DOP1A: variants seen among roughly 807,000 people sequenced by gnomAD.
DOP1A encodes DOP1 leucine zipper like protein A, also known as protein DOP1A.
DOP1A carries 90 observed loss-of-function variants against 267.6 expected under a neutral mutation model. The observed-to-expected ratio is 0.34, with a 90% CI of 0.28 to 0.40. DOP1A has a LOEUF of 0.40. Among genes scored for constraint, DOP1A ranks in the 10% least tolerant of loss-of-function variants. The pLI is 1.00. For synonymous variants in DOP1A, 932 were observed against 999.1 expected (o/e 0.93, Z 1.27); for missense variants, 2,437 against 2,900.4 (o/e 0.84, Z 3.67).
intron 1 of DOP1A, among the ~76,000 whole-genome samples, chr6:83,081,360 A>T (rs551785353): frequency 6.6e-6 from 1 of 151,818 alleles, no homozygotes; most frequent in Non-Finnish European, 1.5e-5. Context: ...ACCCACCTCA[A>T]CCTCCCAAAG....
At chr6:83,086,972 T>C (rs188262924) in intron 1 of DOP1A, among the ~76,000 whole-genome samples, 471 of 152,208 alleles carry the variant, frequency 3.1e-3, no homozygotes, top group Admixed American at 7.1e-3. Context: ...CTTTAGGCTG[T>C]AGACAGGAAA....
At chr6:83,117,000 C>CG (rs1268435362) in intron 7 of DOP1A, among the ~76,000 whole-genome samples, 6 of 152,042 alleles carry the variant, frequency 3.9e-5, no homozygotes, top group African/African-American at 1.4e-4. Flanking sequence ...AGTAATTCTT[C>CG]GGGTAAAAAT....
intron 26 of DOP1A, 97 bp from the exon 27 acceptor site, chr6:83,148,662 G>T (rs1454923708): frequency 2.7e-6 from 2 of 734,044 alleles, no homozygotes; most frequent in South Asian, 2.1e-5. Context: ...TAGGAATTTT[G>T]TTCTATCATT....
downstream of DOP1A, chr6:83,169,418 G>A (rs1786593436): frequency 7.1e-7 from 1 of 1,402,686 alleles, no homozygotes; most frequent in Non-Finnish European, 9.7e-7. Context: ...GGAAGAGAGG[G>A]GTGATTCTTG....
At chr6:83,090,006 T>A (rs1028114496) in intron 1 of DOP1A, among the ~76,000 whole-genome samples, 3 of 152,178 alleles carry the variant, frequency 2.0e-5, no homozygotes, top group Non-Finnish European at 2.9e-5. Context: ...TCAAGATAGG[T>A]TAGTGAGTCC....
At chr6:83,165,271 A>G (rs938461589) in intron 38 of DOP1A, 3 of 152,604 alleles carry the variant, frequency 2.0e-5, no homozygotes, top group African/African-American at 7.2e-5. Flanking sequence ...AGTTTTATAT[A>G]TCCTGTAATC....
At chr6:83,142,289 C>T (rs1779776325) in intron 24 of DOP1A, among the ~76,000 whole-genome samples, 1 of 152,040 alleles carries the variant, frequency 6.6e-6, no homozygotes, top group African/African-American at 2.4e-5. Context: ...GAGGGCGGAT[C>T]ATGAGGTCAG....
intron 15 of DOP1A, among the ~76,000 whole-genome samples, chr6:83,128,548 T>C (rs1005734411): frequency 2.0e-5 from 3 of 152,230 alleles, no homozygotes; most frequent in African/African-American, 7.2e-5. Flanking sequence ...TAAAATGTCA[T>C]TTTTTAACCT....
At chr6:83,156,132 C>G (rs777778579) in intron 34 of DOP1A, 29 bp downstream of exon 34, 1 of 1,577,176 alleles carries the variant, frequency 6.3e-7, no homozygotes, top group Non-Finnish European at 8.6e-7. Context: ...TTTATTTTTT[C>G]TCTAACTACA....
At position 83,161,780 on chromosome 6, in the gene DOP1A, T is replaced by C. The variant is rs564987490; in HGVS notation, c.6963-1010T>C. Among the ~76,000 whole-genome samples, 204 of 152,284 alleles carry C rather than the reference T, an allele frequency of 1.3e-3. 1 individual carries two copies. Among genetic ancestry groups the C allele is most frequent in the Middle Eastern group, 3.4e-3 (1 of 294 alleles). ...TGTTCAGAGGTTATATTTACCAAAATTTAAAATATATATCTTTAAGCCTAT... is the reference window on the plus strand; with the variant it reads ...TGTTCAGAGGTTATATTTACCAAAACTTAAAATATATATCTTTAAGCCTAT... On this transcript the variant is annotated intron_variant, in intron 37 of 38. Transcript: ENST00000349129.
At chr6:83,072,477 C>A (rs190710261) in intron 1 of DOP1A, among the ~76,000 whole-genome samples, 2 of 152,072 alleles carry the variant, frequency 1.3e-5, no homozygotes, top group African/African-American at 4.8e-5. Context: ...TGGGATACAA[C>A]CTAAAAAATT....
intron 9 of DOP1A, 78 bp from the exon 10 acceptor site, chr6:83,120,605 T>C: frequency 8.1e-7 from 1 of 1,232,850 alleles, no homozygotes; most frequent in African/African-American, 1.5e-5. Flanking sequence ...TATGGTTGCA[T>C]TTAAAAATAC....
intron 1 of DOP1A, among the ~76,000 whole-genome samples, chr6:83,070,183 T>C (rs943991732): frequency 6.6e-6 from 1 of 152,216 alleles, no homozygotes; most frequent in Non-Finnish European, 1.5e-5. Flanking sequence ...GAAGAGAACA[T>C]GTAATTTTAA....
At chr6:83,144,636 A>T (rs891742198) in intron 24 of DOP1A, among the ~76,000 whole-genome samples, 1 of 152,186 alleles carries the variant, frequency 6.6e-6, no homozygotes, top group East Asian at 1.9e-4. Flanking sequence ...TGTTGAGAGG[A>T]TAGGTAGAAA....
rs147812480 is a variant in DOP1A, at chr6:83,137,871, T to A, written c.3829T>A (p.Ser1277Thr). ...TCAATTCAGCTTCAAAGAAAAATTA[T>A]CAGAAAAAGTTTCGGAGAAGGAAAC... ...SIQFSFKEKL[S>T]EKVSEKETIV... Residue 1277 changes from serine (S) to threonine (T), a missense_variant, in exon 21 of 39, where the codon TCA (serine) becomes ACA (threonine). This residue lies in a region of DOP1A where 878 missense variants were observed against 992.9 expected (regional missense o/e 0.88). Transcript: ENST00000349129. 1 of 1,613,182 alleles carries A rather than the reference T, an allele frequency of 6.2e-7. No individual in the cohort carries two copies. The highest frequency in any genetic ancestry group is 8.5e-7 in the Non-Finnish European group (1 of 1,179,772).
rs371730050 is a variant in DOP1A at position 83,093,863 on chromosome 6, G to A, written c.-146-2868G>A. On this transcript the variant is annotated intron_variant, in intron 1 of 38. Coordinates refer to ENST00000349129, the MANE Select transcript of DOP1A (RefSeq NM_015018.4). The stretch of plus-strand genomic sequence containing the variant: ...GGAGATTGCAGTGAGCCGAGATGGC[G>A]CCACTGCACTCCAGCACTCCAACCT... 1.7e-3 allele frequency among the ~76,000 whole-genome samples: 258 copies of A among 152,276 alleles called. 2 individuals are homozygous for A. The highest frequency in any genetic ancestry group is 5.6e-3 in the African/African-American group (234 of 41,560).
At chr6:83,094,349 G>T (rs1381440310) in intron 1 of DOP1A, among the ~76,000 whole-genome samples, 3 of 152,108 alleles carry the variant, frequency 2.0e-5, no homozygotes, top group Non-Finnish European at 4.4e-5. Flanking sequence ...TATGAATAAT[G>T]CATCTATGAG....
downstream of DOP1A, chr6:83,169,001 A>G (rs1786480815): frequency 4.6e-6 from 6 of 1,314,012 alleles, no homozygotes; most frequent in Non-Finnish European, 5.8e-6. Context: ...CTTAAGTCCC[A>G]GTATTTTACA....
At chr6:83,163,988 G>GCT (rs1214660440) in intron 38 of DOP1A, among the ~76,000 whole-genome samples, 1 of 151,550 alleles carries the variant, frequency 6.6e-6, no homozygotes, top group Non-Finnish European at 1.5e-5. Flanking sequence ...AAACTGGTAT[G>GCT]CTCACCATTG....
Sources: allele counts gnomAD v4.1 joint callset (sites outside exome capture counted in the v4.1 genomes callset), GRCh38; gene constraint gnomAD v4.1.1; regional missense constraint gnomAD v4.1.1; transcripts MANE v1.5; gene names NCBI Gene and HGNC (gene_info 2026-07-23, HGNC 2026-07-21).